Variants in PLA2G2D observed in about 807,000 individuals in gnomAD.
PLA2G2D encodes phospholipase A2 group IID.
A neutral mutation model predicts 13.9 loss-of-function variants in PLA2G2D; 17 were observed. That is an observed-to-expected ratio of 1.23 (90% confidence interval 0.84 to 1.84). The LOEUF (loss-of-function observed/expected upper bound fraction) is 1.84, where lower values mean the gene tolerates loss of function less well. Among genes scored for constraint, PLA2G2D ranks in the 40% most tolerant of loss-of-function variants. The probability of loss-of-function intolerance (pLI) is 0.00; values close to 1 mark genes in which losing one functional copy is unlikely to be tolerated. For synonymous variants in PLA2G2D, 83 were observed against 69.3 expected, an observed-to-expected ratio of 1.20 and a Z score of -0.98; for missense variants, 194 against 178.7, an observed-to-expected ratio of 1.09 and a Z score of -0.49.
At chr1:20,114,563 A>C (rs964972109) in intron 3 of PLA2G2D, among the ~76,000 whole-genome samples, 1 of 152,196 alleles carries the variant, frequency 6.6e-6, no homozygotes, top group Non-Finnish European at 1.5e-5. Context: ...CAGGGAGGAA[A>C]AAAACAACTA....
chr1:20,113,849 T>A lies in PLA2G2D; in HGVS notation c.*265A>T. The A allele has an allele frequency of 5.2e-6, 2 of 384,368 alleles. No individual in the cohort carries two copies. Among genetic ancestry groups the A allele is most frequent in the African/African-American group, 2.1e-5 (1 of 48,526 alleles). 23.8% of individuals were successfully genotyped at this position (384,368 alleles called of 1,614,324 possible). A position where few individuals can be genotyped will look rare whatever the true frequency, so the allele number is the denominator to read the frequency against. Reference sequence around the variant, plus strand: ...GCGGCAGACCCCTCCCCCACCCCGATGCTTTGGTCCAAACACCACCTCTGA... The same window carrying A: ...GCGGCAGACCCCTCCCCCACCCCGAAGCTTTGGTCCAAACACCACCTCTGA... On this transcript the variant is annotated 3_prime_UTR_variant, in exon 4 of 4. Coordinates refer to ENST00000375105, the MANE Select transcript of PLA2G2D (RefSeq NM_012400.4).
At position 20,115,555 on chromosome 1, in the gene PLA2G2D, A is replaced by G; in HGVS notation, c.244T>C (p.Tyr82His). The change falls in exon 3 of 4, where the codon TAC becomes CAC. Residue 82 changes from tyrosine to histidine, a missense_variant. Coordinates refer to ENST00000375105, the MANE Select transcript of PLA2G2D (RefSeq NM_012400.4). ...DHLKTQGCSI[Y>H]KDYYRYNFSQ... is the part of the protein sequence containing the mutation. ...AAGTTGTATCTGTAATAGTCCTTGT[A>G]GATGCTGCACCCCTGGGTCTTCAGG... The G allele has an allele frequency of 6.2e-7, 1 of 1,612,836 alleles. No homozygotes were observed. Among genetic ancestry groups the G allele is most frequent in the Non-Finnish European group, 8.5e-7 (1 of 1,178,876 alleles).
intron 3 of PLA2G2D, 94 bp downstream of exon 3, chr1:20,115,413 A>AT (rs1491308992): frequency 5.1e-6 from 4 of 780,316 alleles, no homozygotes; most frequent in Non-Finnish European, 9.1e-6. Context: ...CAAAAAAAAA[A>AT]CAGAGAGGTC....
chr1:20,115,657 T>TG (rs1202548448), intron 2 of PLA2G2D, 44 bp from the exon 3 acceptor site: 14 of 1,250,746 alleles, frequency 1.1e-5, no homozygotes, highest in Non-Finnish European at 1.5e-5. Flanking sequence ...CCCAGCCTAC[T>TG]GGGGTCTCTG....
intron 1 of PLA2G2D, 122 bp downstream of exon 1, chr1:20,119,337 T>C: frequency 1.2e-6 from 1 of 864,678 alleles, no homozygotes; most frequent in Non-Finnish European, 2.0e-6. Flanking sequence ...GCAGAAGGAT[T>C]GGGGAGTGGG....
In PLA2G2D at chr1:20,114,260, C is replaced by T. The variant is rs1394377193; in HGVS notation, c.293-1G>A. On this transcript the variant is annotated splice_acceptor_variant, in intron 3 of 3. Transcript: ENST00000375105. LOFTEE classifies it high-confidence loss of function. ...TGCTCACACCAGCTTCCCTTGTCAG[C>T]TGTGGACGGAGAAGGGGGAGCTATG... The T allele has an allele frequency of 1.2e-6, 2 of 1,612,802 alleles. No individual in the cohort carries two copies. The highest frequency in any genetic ancestry group is 1.7e-6 in the Non-Finnish European group (2 of 1,179,188).
Position 20,115,535 on chromosome 1 carries a change from G to C in PLA2G2D, c.264C>G (p.Tyr88Ter). 1 of 1,609,294 alleles carries C rather than the reference G, an allele frequency of 6.2e-7. No individual in the cohort carries two copies. The highest frequency in any genetic ancestry group is 8.5e-7 in the Non-Finnish European group (1 of 1,175,660). ...GCSIYKDYYR[Y>*]NFSQGNIHCS... is the part of the protein sequence containing the mutation. ...AGTGGATGTTCCCCTGGGAAAAGTT[G>C]TATCTGTAATAGTCCTTGTAGATGC... Residue 88 changes from tyrosine (Y) to a stop codon, truncating the protein, a stop_gained, in exon 3 of 4, where the codon TAC becomes TAG. Transcript: ENST00000375105. LOFTEE classifies it low-confidence loss of function (END_TRUNC).
chr1:20,112,341 C>G lies in PLA2G2D; in HGVS notation c.*1773G>C, dbSNP rs1050290320. On this transcript the variant is annotated 3_prime_UTR_variant, in exon 4 of 4. Transcript: ENST00000375105. ...GGTATGGAGATTTCCCTACCCTGTT[C>G]CCCCACACAGGCACAGCTGCCCCCA... 2 of 152,208 alleles carry G rather than the reference C, an allele frequency of 1.3e-5. No homozygotes were observed. The highest frequency in any genetic ancestry group is 2.9e-5 in the Non-Finnish European group (2 of 68,088). The allele number at this position is 152,208 out of a possible 1,614,324, so 9.4% of individuals were successfully genotyped here.
At chr1:20,118,471 T>C (rs1557768585) in intron 1 of PLA2G2D, among the ~76,000 whole-genome samples, 1 of 152,172 alleles carries the variant, frequency 6.6e-6, no homozygotes, top group Non-Finnish European at 1.5e-5. Flanking sequence ...TTTCCTACCC[T>C]TGGCTGCCAC....
At chr1:20,116,574 T>A in intron 1 of PLA2G2D, 97 bp from the exon 2 acceptor site, 1 of 1,055,250 alleles carries the variant, frequency 9.5e-7, no homozygotes, top group Non-Finnish European at 1.5e-6. Context: ...CCAGACCAAA[T>A]GAGTGACCTC....
intron 1 of PLA2G2D, among the ~76,000 whole-genome samples, chr1:20,118,612 C>T (rs1317079433): frequency 6.6e-6 from 1 of 152,208 alleles, no homozygotes; most frequent in Non-Finnish European, 1.5e-5. Flanking sequence ...TGTCTGTTTT[C>T]CCATTAGAGT....
In PLA2G2D at chr1:20,113,941, A is replaced by C. The variant is rs1013610134; in HGVS notation, c.*173T>G. The C allele has an allele frequency of 1.6e-5, 9 of 555,618 alleles. No individual in the cohort carries two copies. The highest frequency in any genetic ancestry group is 2.6e-5 in the Non-Finnish European group (8 of 308,924). 34.4% of individuals were successfully genotyped at this position (555,618 alleles called of 1,614,324 possible). ...CTCAGAGGACACAGCTACTGCCTCA[A>C]CTGGGAGGATTCGGAAAGCTTCAGA... On this transcript the variant is annotated 3_prime_UTR_variant, in exon 4 of 4. Transcript: ENST00000375105.
At position 20,113,066 on chromosome 1, in the gene PLA2G2D, C is replaced by T. The variant is rs1403930394; in HGVS notation, c.*1048G>A. On this transcript the variant is annotated 3_prime_UTR_variant, in exon 4 of 4. Transcript: ENST00000375105. ...GAGGTACCCACACCATCTGCTGCAA[C>T]CTCTGTGTATCCATTATGGGCTCAC... 1 of 152,334 alleles carries T rather than the reference C, an allele frequency of 6.6e-6. No homozygotes were observed. Among genetic ancestry groups the T allele is most frequent in the Non-Finnish European group, 1.5e-5 (1 of 68,106 alleles). The allele number at this position is 152,334 out of a possible 1,614,324, so 9.4% of individuals were successfully genotyped here. A position where few individuals can be genotyped will look rare whatever the true frequency, so the allele number is the denominator to read the frequency against.
chr1:20,115,851 A>G (rs1291151331), intron 2 of PLA2G2D, among the ~76,000 whole-genome samples: 2 of 152,154 alleles, frequency 1.3e-5, no homozygotes, highest in African/African-American at 4.8e-5. Context: ...GGAGGTACTC[A>G]TATTATCCGC....
chr1:20,114,271 G>A lies in PLA2G2D; in HGVS notation c.293-12C>T. ...GCTTCCCTTGTCAGCTGTGGACGGA[G>A]AAGGGGGAGCTATGTGTTTGTCCTT... On this transcript the variant is annotated splice_polypyrimidine_tract_variant and intron_variant, in intron 3 of 3. Transcript: ENST00000375105. 1 of 1,611,360 alleles carries A rather than the reference G, an allele frequency of 6.2e-7. No homozygotes were observed. Among genetic ancestry groups the A allele is most frequent in the African/African-American group, 1.3e-5 (1 of 74,978 alleles).
intron 3 of PLA2G2D, 29 bp downstream of exon 3, chr1:20,115,478 A>T: frequency 7.7e-7 from 1 of 1,297,422 alleles, no homozygotes; most frequent in Non-Finnish European, 1.1e-6. Context: ...TGGGGTCTCC[A>T]GCTCCTGCCC....
chr1:20,113,828 C>A lies in PLA2G2D; in HGVS notation c.*286G>T. The A allele has an allele frequency of 2.8e-6, 1 of 354,532 alleles. No individual in the cohort carries two copies. Among genetic ancestry groups the A allele is most frequent in the Non-Finnish European group, 5.1e-6 (1 of 195,446 alleles). The allele number at this position is 354,532 out of a possible 1,614,324, so 22.0% of individuals were successfully genotyped here. ...GGGGCCAGCAGGTGGGGGACAGCGG[C>A]AGACCCCTCCCCCACCCCGATGCTT... is the stretch of plus-strand genomic sequence containing the variant. On this transcript the variant is annotated 3_prime_UTR_variant, in exon 4 of 4. Transcript: ENST00000375105.
In PLA2G2D at chr1:20,114,014, T is replaced by A; in HGVS notation, c.*100A>T. ...GGTTCCGGGGGAGGCTGGGACTACCTCCCCCCGGAGTGTTTGAAAAGCCAG... is the reference window on the plus strand; with the variant it reads ...GGTTCCGGGGGAGGCTGGGACTACCACCCCCCGGAGTGTTTGAAAAGCCAG... On this transcript the variant is annotated 3_prime_UTR_variant, in exon 4 of 4. Coordinates refer to ENST00000375105, the MANE Select transcript of PLA2G2D (RefSeq NM_012400.4). The A allele has an allele frequency of 9.2e-7, 1 of 1,090,658 alleles. No individual in the cohort carries two copies. The highest frequency in any genetic ancestry group is 1.3e-6 in the Non-Finnish European group (1 of 754,276). 67.6% of individuals were successfully genotyped at this position (1,090,658 alleles called of 1,614,324 possible).
At chr1:20,115,733 C>A in intron 2 of PLA2G2D, 120 bp from the exon 3 acceptor site, 1 of 703,322 alleles carries the variant, frequency 1.4e-6, no homozygotes, top group South Asian at 1.5e-5. Flanking sequence ...TGCAGGGCTG[C>A]AGTCTTCCTC....
Sources: allele counts gnomAD v4.1 joint callset (sites outside exome capture counted in the v4.1 genomes callset), GRCh38; gene constraint gnomAD v4.1.1; transcripts MANE v1.5; gene names NCBI Gene and HGNC (gene_info 2026-07-23, HGNC 2026-07-21).